MIPEP: variants seen among roughly 807,000 people sequenced by gnomAD.
The protein encoded by MIPEP is mitochondrial intermediate peptidase.
Under a neutral mutation model 90.3 loss-of-function variants are expected in MIPEP, and 79 were observed. The observed-to-expected ratio is 0.87, with a 90% CI of 0.73 to 1.05. The LOEUF (loss-of-function observed/expected upper bound fraction) is 1.05. Ranked by LOEUF, MIPEP falls within the 50% of genes least tolerant of loss-of-function variation. The pLI is 0.00. For missense variants in MIPEP, 940 were observed against 905.6 expected (o/e 1.04, Z -0.49); for synonymous variants, 334 against 315.8 (o/e 1.06, Z -0.61).
At position 23,781,073 on chromosome 13, in the gene MIPEP, G is replaced by A. The variant is rs141183298; in HGVS notation, c.1849-20856C>T. Among the ~76,000 whole-genome samples the A allele has an allele frequency of 5.2e-3, 785 of 152,262 alleles. 15 individuals are homozygous for A. The highest frequency in any genetic ancestry group is 0.018 in the African/African-American group (740 of 41,534). Reference sequence around the variant, plus strand: ...GAACTTCCCGAACTTAGCAAGGCAGGCCAACATTCAAATTCAGGAAATACA... The same window carrying A: ...GAACTTCCCGAACTTAGCAAGGCAGACCAACATTCAAATTCAGGAAATACA... On this transcript the variant is annotated intron_variant, in intron 16 of 18. Coordinates refer to ENST00000382172, the MANE Select transcript of MIPEP (RefSeq NM_005932.4).
At chr13:23,856,414 TA>T (rs1870050108) in intron 10 of MIPEP, among the ~76,000 whole-genome samples, 1 of 152,166 alleles carries the variant, frequency 6.6e-6, no homozygotes. Context: ...AAAACAAAAG[TA>T]GGTTGTGATC....
chr13:23,887,392 C>T (rs1389329031), intron 1 of MIPEP, among the ~76,000 whole-genome samples: 1 of 152,212 alleles, frequency 6.6e-6, no homozygotes, highest in African/African-American at 2.4e-5. Context: ...TCCTACAGAA[C>T]AGAGTATCAT....
chr13:23,886,538 C>A (rs778162824), intron 1 of MIPEP, 32 bp from the exon 2 acceptor site: 1 of 1,488,236 alleles, frequency 6.7e-7, no homozygotes, highest in Non-Finnish European at 9.0e-7. Flanking sequence ...TGATTTATAA[C>A]CAAAATTCAA....
intron 7 of MIPEP, among the ~76,000 whole-genome samples, chr13:23,865,771 A>G (rs1870506295): frequency 6.6e-6 from 1 of 151,568 alleles, no homozygotes; most frequent in Non-Finnish European, 1.5e-5. Context: ...CCAGGGTTCA[A>G]TCGATTCTCC....
At chr13:23,792,944 G>T (rs1313708842) in intron 16 of MIPEP, among the ~76,000 whole-genome samples, 2 of 152,148 alleles carry the variant, frequency 1.3e-5, no homozygotes, top group African/African-American at 4.8e-5. Flanking sequence ...GAAGTAAAAA[G>T]GATTGATTAC....
chr13:23,777,604 A>G lies in MIPEP; in HGVS notation c.1849-17387T>C, dbSNP rs961489186. 2.6e-5 allele frequency among the ~76,000 whole-genome samples: 4 copies of G among 152,354 alleles called. No homozygotes were observed. In the East Asian group the frequency reaches 7.7e-4, roughly 29 times the overall value. On this transcript the variant is annotated intron_variant, in intron 16 of 18. Transcript: ENST00000382172. ...GAAAGGTACTTTGCAACTTACGAAC[A>G]TAAACTATTTTGAGATAAGAAGTTA...
rs564104553 is a variant in MIPEP, at chr13:23,772,082, C to T, written c.1849-11865G>A. Among the ~76,000 whole-genome samples, 408 of 152,286 alleles carry T rather than the reference C, an allele frequency of 2.7e-3. 3 individuals carry two copies. The highest frequency in any genetic ancestry group is 9.6e-3 in the African/African-American group (399 of 41,562). ...CTTCCCATGTAAAGGCATTCCAGAG[C>T]TTATTAACTGCACATTCTAAAGGAT... On this transcript the variant is annotated intron_variant, in intron 16 of 18. Coordinates refer to ENST00000382172, the MANE Select transcript of MIPEP (RefSeq NM_005932.4).
At chr13:23,864,086 T>C (rs1029902214) in intron 8 of MIPEP, 55 bp downstream of exon 8, 1 of 1,031,678 alleles carries the variant, frequency 9.7e-7, no homozygotes, top group African/African-American at 1.6e-5. Flanking sequence ...AAGTCTTCTT[T>C]AAAAAGACTA....
At chr13:23,794,410 T>C (rs1439620561) in intron 16 of MIPEP, among the ~76,000 whole-genome samples, 2 of 152,170 alleles carry the variant, frequency 1.3e-5, no homozygotes, top group Non-Finnish European at 2.9e-5. Context: ...CTTAACTCCC[T>C]GTTGGTGATA....
intron 7 of MIPEP, among the ~76,000 whole-genome samples, chr13:23,866,599 G>A (rs1267906133): frequency 1.3e-5 from 2 of 152,148 alleles, no homozygotes; most frequent in East Asian, 3.8e-4. Context: ...ACCACACCCT[G>A]TAATCACTTT....
At chr13:23,809,363 TG>T (rs1953147104) in intron 15 of MIPEP, among the ~76,000 whole-genome samples, 1 of 151,862 alleles carries the variant, frequency 6.6e-6, no homozygotes, top group Non-Finnish European at 1.5e-5. Context: ...TTTTTTTTTT[TG>T]AGACAGAGTC....
chr13:23,779,863 G>A (rs767236535), intron 16 of MIPEP, among the ~76,000 whole-genome samples: 1 of 152,218 alleles, frequency 6.6e-6, no homozygotes. Flanking sequence ...TTCATTGCTA[G>A]CACAGCAGTC....
chr13:23,730,392 C>T lies in MIPEP; in HGVS notation c.2098G>A (p.Asp700Asn), dbSNP rs773255883. The change falls in exon 19 of 19, where the codon GAC becomes AAC. Residue 700 changes from aspartate to asparagine, a missense_variant. Coordinates refer to ENST00000382172, the MANE Select transcript of MIPEP (RefSeq NM_005932.4). The stretch of plus-strand genomic sequence containing the variant: ...AAAGTTTCGAAGTCCAGATCCAAGT[C>T]GGAAACGAGGGCACTTACGAAGTCA... ...VDDFVSALVS[D>N]LDLDFETFLM... is the part of the protein sequence containing the mutation. 14 of 1,612,630 alleles carry T rather than the reference C, an allele frequency of 8.7e-6. No individual in the cohort carries two copies. Among genetic ancestry groups the T allele is most frequent in the Middle Eastern group, 1.6e-4 (1 of 6,084 alleles).
intron 16 of MIPEP, among the ~76,000 whole-genome samples, chr13:23,767,589 C>T (rs1408290693): frequency 6.6e-6 from 1 of 151,800 alleles, no homozygotes; most frequent in African/African-American, 2.4e-5. Context: ...GTAGCTGGGA[C>T]TACAGGCACG....
chr13:23,858,570 T>TG (rs980967833), intron 10 of MIPEP, among the ~76,000 whole-genome samples: 41 of 151,522 alleles, frequency 2.7e-4, no homozygotes, highest in Admixed American at 2.7e-3. Context: ...GCCCCTACTC[T>TG]GGGCCAGCAA....
At chr13:23,736,652 T>C (rs1211405846) in intron 18 of MIPEP, among the ~76,000 whole-genome samples, 3 of 152,114 alleles carry the variant, frequency 2.0e-5, no homozygotes, top group Admixed American at 1.3e-4. Flanking sequence ...ACTGCAGACA[T>C]ACAGCTGGAG....
intron 7 of MIPEP, among the ~76,000 whole-genome samples, chr13:23,865,962 C>A (rs1870513754): frequency 6.6e-6 from 1 of 152,064 alleles, no homozygotes; most frequent in South Asian, 2.1e-4. Context: ...TGAGACACCA[C>A]ATCTGGCCTG....
intron 8 of MIPEP, among the ~76,000 whole-genome samples, chr13:23,863,458 G>A (rs913141000): frequency 3.3e-5 from 5 of 152,118 alleles, no homozygotes; most frequent in East Asian, 1.9e-4. Context: ...TTTGTTTCAG[G>A]CACAAAATTA....
chr13:23,856,650 C>T (rs1870060390), intron 10 of MIPEP, among the ~76,000 whole-genome samples: 1 of 152,052 alleles, frequency 6.6e-6, no homozygotes, highest in Admixed American at 6.5e-5. Flanking sequence ...GTGAGGGCAG[C>T]CAGAAATCCC....
Sources: allele counts gnomAD v4.1 joint callset (sites outside exome capture counted in the v4.1 genomes callset), GRCh38; gene constraint gnomAD v4.1.1; transcripts MANE v1.5; gene names NCBI Gene and HGNC (gene_info 2026-07-23, HGNC 2026-07-21).